WBP2: variants seen among roughly 807,000 people sequenced by gnomAD.
WBP2 encodes the protein WW domain-binding protein 2.
WBP2 carries 23 observed loss-of-function variants against 33.0 expected under a neutral mutation model. That is an observed-to-expected ratio of 0.70 (90% CI 0.50 to 0.99). The LOEUF is 0.99. Among genes scored for constraint, WBP2 ranks in the 50% least tolerant of loss-of-function variants. The probability of loss-of-function intolerance (pLI) is 0.00; values close to 1 mark genes in which losing one functional copy is unlikely to be tolerated. For missense variants in WBP2, 353 were observed against 358.0 expected (o/e 0.99, Z 0.11); for synonymous variants, 153 against 133.5 (o/e 1.15, Z -1.01).
intron 5 of WBP2, 78 bp downstream of exon 5, chr17:75,847,718 A>C: frequency 6.4e-7 from 1 of 1,552,482 alleles, no homozygotes; most frequent in Non-Finnish European, 8.8e-7. Context: ...AGCTCAAGGA[A>C]TAAAGTCTCC....
At chr17:75,851,781 C>G in intron 1 of WBP2, 105 bp from the exon 2 acceptor site, 1 of 806,296 alleles carries the variant, frequency 1.2e-6, no homozygotes, top group Non-Finnish European at 2.2e-6. Flanking sequence ...CGTCAGCTCT[C>G]ATAACCTCTC....
At chr17:75,849,260 T>G (rs1056731579) in intron 3 of WBP2, 24 of 232,596 alleles carry the variant, frequency 1.0e-4, no homozygotes, top group Middle Eastern at 1.6e-3. Context: ...GGCAGCTGCC[T>G]CTTCCTGGCT....
intron 1 of WBP2, chr17:75,855,000 G>T (rs1248948843): frequency 7.0e-6 from 4 of 571,680 alleles, no homozygotes; most frequent in East Asian, 2.8e-5. Flanking sequence ...CCCACCGGGG[G>T]CCCCATACCA....
chr17:75,853,946 G>A (rs557067689), intron 1 of WBP2, among the ~76,000 whole-genome samples: 1 of 150,312 alleles, frequency 6.7e-6, no homozygotes, highest in Admixed American at 6.7e-5. Context: ...TGGGGAGGCT[G>A]AGGCAGGATA....
Position 75,847,596 on chromosome 17 carries a change from T to A in WBP2, c.546A>T (p.Gly182=). The change falls in exon 6 of 8, where the codon GGA becomes GGT. Residue 182 remains glycine (G), a synonymous_variant. Coordinates refer to ENST00000254806, the MANE Select transcript of WBP2 (RefSeq NM_012478.4). ...CCATGGCCCCGTCCATCATGGGGGGTCCTGGATAGAACTCTGCTCGGTGAG... is the reference window on the plus strand; with the variant it reads ...CCATGGCCCCGTCCATCATGGGGGGACCTGGATAGAACTCTGCTCGGTGAG... ...YPPPPPEFYP[G]PPMMDGAMGY... The A allele has an allele frequency of 6.2e-7, 1 of 1,607,742 alleles. No individual in the cohort carries two copies. Among genetic ancestry groups the A allele is most frequent in the Non-Finnish European group, 8.5e-7 (1 of 1,177,830 alleles).
At chr17:75,855,726 A>C (rs1599427851), upstream of WBP2, among the ~76,000 whole-genome samples, 1 of 152,238 alleles carries the variant, frequency 6.6e-6, no homozygotes, top group South Asian at 2.1e-4. Context: ...CAGCGCGTTA[A>C]GGGAAGTCCT....
At chr17:75,851,077 C>A (rs1022755302) in intron 2 of WBP2, 5 of 156,234 alleles carry the variant, frequency 3.2e-5, no homozygotes, top group Admixed American at 6.2e-5. Flanking sequence ...CTCTCAGAGT[C>A]CACGTGGGTA....
At chr17:75,849,298 T>C in intron 3 of WBP2, 1 of 293,904 alleles carries the variant, frequency 3.4e-6, no homozygotes, top group South Asian at 6.2e-5. Flanking sequence ...CTCAAGAACC[T>C]GATGCAGCTC....
At chr17:75,847,085 G>T in intron 6 of WBP2, 101 bp from the exon 7 acceptor site, 2 of 1,328,334 alleles carry the variant, frequency 1.5e-6, no homozygotes, top group East Asian at 2.4e-5. Flanking sequence ...CTGGTGCTGG[G>T]GGTCCAGTTC....
chr17:75,853,678 T>C (rs1288142836), intron 1 of WBP2, among the ~76,000 whole-genome samples: 2 of 152,116 alleles, frequency 1.3e-5, no homozygotes, highest in African/African-American at 4.8e-5. Context: ...ACGGTTCTGT[T>C]TGTCTTCTGC....
chr17:75,847,179 C>A, intron 6 of WBP2, 195 bp from the exon 7 acceptor site: 1 of 687,376 alleles, frequency 1.5e-6, no homozygotes, highest in Middle Eastern at 3.9e-4. Context: ...CATGTCTCAC[C>A]TCATCTAATC....
At chr17:75,848,914 A>G in intron 3 of WBP2, 2 of 546,984 alleles carry the variant, frequency 3.7e-6, no homozygotes, top group Non-Finnish European at 6.6e-6. Context: ...TTCCTGGAAC[A>G]AGCCTGTCCT....
Position 75,848,592 on chromosome 17 carries a change from C to T in WBP2, c.375G>A (p.Arg125=). 6.2e-7 allele frequency: 1 copy of T among 1,613,972 alleles called. No individual in the cohort carries two copies. The highest frequency in any genetic ancestry group is 8.5e-7 in the Non-Finnish European group (1 of 1,179,918). ...TAGGAIEFGQ[R]MLQVASQASR... is the part of the protein sequence containing the mutation. ...TACCTTGAGATGCCACCTGGAGCATCCGCTGTCCGAACTCAATGGCGCCCC... is the reference window on the plus strand; with the variant it reads ...TACCTTGAGATGCCACCTGGAGCATTCGCTGTCCGAACTCAATGGCGCCCC... The change falls in exon 4 of 8, where the codon CGG becomes CGA. Residue 125 remains arginine, a synonymous_variant. Transcript: ENST00000254806.
intron 1 of WBP2, among the ~76,000 whole-genome samples, chr17:75,853,345 C>T (rs1171698482): frequency 6.6e-6 from 1 of 152,184 alleles, no homozygotes; most frequent in Non-Finnish European, 1.5e-5. Context: ...CATGCCCAGC[C>T]TAATTATCAA....
rs773715692 is a variant in WBP2 at position 75,847,862 on chromosome 17, G to C, written c.466C>G (p.Pro156Ala). Residue 156 changes from proline to alanine, a missense_variant, in exon 5 of 8, where the codon CCC becomes GCC. By Grantham distance (27) the Pro-to-Ala change is conservative. Coordinates refer to ENST00000254806, the MANE Select transcript of WBP2 (RefSeq NM_012478.4). ...TACATTCCATTGGCGACTGGCGGGG[G>C]ATAGACATAGGCCCCGCTGGGCATG... ...SYMPSGAYVY[P>A]PPVANGMYPC... The C allele has an allele frequency of 2.0e-5, 31 of 1,556,188 alleles. No homozygotes were observed. The Middle Eastern group carries it at 6.6e-4, about 33-fold the overall frequency.
Position 75,847,930 on chromosome 17 carries a change from G to A in WBP2, c.398C>T (p.Ala133Val). The change falls in exon 5 of 8, where the codon GCC becomes GTC. Residue 133 changes from alanine to valine, a missense_variant and splice_region_variant. Transcript: ENST00000254806. ...TCCACTGGGGACTTCACCTCTGGAG[G>A]CTACGAGTACAAGGGGAAAGAGAAA... The part of the protein sequence containing the change: ...GQRMLQVASQ[A>V]SRGEVPSGAY... The A allele has an allele frequency of 1.9e-6, 3 of 1,564,080 alleles. No individual in the cohort carries two copies. The highest frequency in any genetic ancestry group is 2.6e-6 in the Non-Finnish European group (3 of 1,154,406).
chr17:75,846,342 G>C lies in WBP2; in HGVS notation c.*392C>G, dbSNP rs1362283312. 7.2e-6 allele frequency: 2 copies of C among 278,668 alleles called. No individual in the cohort carries two copies. The highest frequency in any genetic ancestry group is 1.4e-5 in the Non-Finnish European group (2 of 141,580). The allele number at this position is 278,668 out of a possible 1,614,324, so 17.3% of individuals were successfully genotyped here. On this transcript the variant is annotated 3_prime_UTR_variant, in exon 8 of 8. Coordinates refer to ENST00000254806, the MANE Select transcript of WBP2 (RefSeq NM_012478.4). The surrounding 1 kb of genome is among the most constrained non-coding windows in gnomAD (Gnocchi z 4.8). ...GCAGGGCCCGGGAAGACACCTGGCT[G>C]GTCTGAAGTGGCTCATGAGGCTGAG...
At chr17:75,850,805 CCA>C (rs1282655551) in intron 2 of WBP2, among the ~76,000 whole-genome samples, 4 of 152,164 alleles carry the variant, frequency 2.6e-5, no homozygotes, top group Non-Finnish European at 5.9e-5. Context: ...CAGTTATTCT[CCA>C]CCTTACCTCT....
In WBP2 at chr17:75,849,728, C is replaced by G; in HGVS notation, c.180G>C (p.Leu60=). The G allele has an allele frequency of 1.2e-6, 2 of 1,614,068 alleles. No individual in the cohort carries two copies. The highest frequency in any genetic ancestry group is 1.7e-6 in the Non-Finnish European group (2 of 1,180,004). The change falls in exon 3 of 8, where the codon CTG becomes CTC. Residue 60 remains leucine (L), a synonymous_variant. Coordinates refer to ENST00000254806, the MANE Select transcript of WBP2 (RefSeq NM_012478.4). The part of the protein sequence containing the change: ...VYLTPYRVIF[L]SKGKDAMQSF... ...ACTGCATGGCATCCTTGCCCTTGGA[C>G]AGAAAGATGACCTGCAGGGAGAGAG...
Sources: gnomAD v4.1 joint callset for allele counts (sites outside exome capture counted in the v4.1 genomes callset) on GRCh38, gnomAD v4.1.1 for gene constraint, Gnocchi (gnomAD v3.1) non-coding constraint, MANE v1.5 for transcripts, NCBI Gene and HGNC (gene_info 2026-07-23, HGNC 2026-07-21) for gene names.